The following EPHA4 variants were observed in gnomAD, a reference collection of about 807,000 sequenced individuals.
EPHA4 encodes the protein EPH receptor A4.
A neutral mutation model predicts 108.3 loss-of-function variants in EPHA4; 19 were observed. The observed-to-expected ratio is 0.18, with a 90% CI of 0.12 to 0.26. EPHA4 has a LOEUF of 0.26. EPHA4 is among the 10% of genes least tolerant of loss of function. The pLI is 1.00. For missense variants in EPHA4, 917 were observed against 1,254.0 expected (o/e 0.73, Z 4.06); for synonymous variants, 449 against 455.5 (o/e 0.99, Z 0.18).
chr2:221,511,462 G>T (rs1024235296), intron 3 of EPHA4, among the ~76,000 whole-genome samples: 5 of 150,092 alleles, frequency 3.3e-5, no homozygotes, highest in African/African-American at 1.3e-4. Flanking sequence ...AGCTGTTTCT[G>T]TACCTCACTT....
intron 13 of EPHA4, among the ~76,000 whole-genome samples, chr2:221,435,937 CAA>C (rs11419419): frequency 1.0e-4 from 14 of 138,016 alleles, no homozygotes; most frequent in Non-Finnish European, 1.9e-4. Flanking sequence ...AAAACAACAA[CAA>C]AAAAAAAAAA....
chr2:221,492,894 A>G (rs1393905184), intron 4 of EPHA4, among the ~76,000 whole-genome samples: 1 of 152,264 alleles, frequency 6.6e-6, no homozygotes, highest in Non-Finnish European at 1.5e-5. Context: ...GGAATGCAGT[A>G]TGAAACTATA....
intron 16 of EPHA4, 153 bp from the exon 17 acceptor site, chr2:221,426,295 G>A: frequency 9.8e-7 from 1 of 1,020,336 alleles, no homozygotes; most frequent in Non-Finnish European, 1.4e-6. Flanking sequence ...GCAATTTAAT[G>A]CAAGAATGTA....
At chr2:221,462,606 C>G (rs1250320877) in intron 5 of EPHA4, among the ~76,000 whole-genome samples, 1 of 152,138 alleles carries the variant, frequency 6.6e-6, no homozygotes, top group East Asian at 1.9e-4. Context: ...ATCCTTAAAA[C>G]AACTTTCCAT....
At chr2:221,481,315 C>A (rs901026276) in intron 5 of EPHA4, among the ~76,000 whole-genome samples, 7 of 151,672 alleles carry the variant, frequency 4.6e-5, no homozygotes, top group African/African-American at 1.7e-4. Context: ...AGGAGACTGG[C>A]CGCCCCACCC....
chr2:221,479,876 C>T (rs756153132), intron 5 of EPHA4, among the ~76,000 whole-genome samples: 1 of 152,154 alleles, frequency 6.6e-6, no homozygotes, highest in Non-Finnish European at 1.5e-5. Context: ...CCAGCATTAC[C>T]CTTCATGAAA....
At chr2:221,499,369 A>G (rs1359512842) in intron 4 of EPHA4, among the ~76,000 whole-genome samples, 2 of 150,966 alleles carry the variant, frequency 1.3e-5, no homozygotes, top group Non-Finnish European at 3.0e-5. Context: ...TTTCTATAAA[A>G]TAAAGATTAT....
At chr2:221,564,938 C>T (rs1313946516) in intron 2 of EPHA4, among the ~76,000 whole-genome samples, 2 of 147,500 alleles carry the variant, frequency 1.4e-5, no homozygotes, top group Non-Finnish European at 3.0e-5. Flanking sequence ...GGCACCCTCA[C>T]TACTCTTTAA....
chr2:221,432,845 G>A lies in EPHA4; in HGVS notation c.2496+1297C>T, dbSNP rs1403499671. 6.2e-4 allele frequency among the ~76,000 whole-genome samples: 70 copies of A among 112,252 alleles called. 1 individual carries two copies. The highest frequency in any genetic ancestry group is 2.2e-3 in the African/African-American group (65 of 29,766). 73.6% of individuals were successfully genotyped at this position (112,252 alleles called of 152,430 possible). On this transcript the variant is annotated intron_variant, in intron 14 of 17. Transcript: ENST00000281821. ...TTTTTTTTTTTTTTTTTTTTTTTGA[G>A]ACGGAGTCTTACTCTTTCGCCCAGG...
chr2:221,454,471 A>G (rs1690878927), intron 8 of EPHA4, among the ~76,000 whole-genome samples: 1 of 152,170 alleles, frequency 6.6e-6, no homozygotes, highest in Non-Finnish European at 1.5e-5. Context: ...CTTGGGCAAG[A>G]ATTACTTCTT....
chr2:221,552,837 C>T, intron 3 of EPHA4, among the ~76,000 whole-genome samples: 1 of 152,118 alleles, frequency 6.6e-6, no homozygotes, highest in East Asian at 1.9e-4. Context: ...CCTGTGAATG[C>T]ATCATAACCA....
At chr2:221,554,620 A>G (rs548537757) in intron 3 of EPHA4, among the ~76,000 whole-genome samples, 34 of 152,326 alleles carry the variant, frequency 2.2e-4, no homozygotes, top group Non-Finnish European at 4.4e-4. Flanking sequence ...TATTCAACAA[A>G]AAGTGAATCC....
Position 221,501,772 on chromosome 2 carries a change from C to A in EPHA4, c.824-600G>T, listed in dbSNP as rs1574616553. On this transcript the variant is annotated intron_variant, in intron 3 of 17. Transcript: ENST00000281821. The stretch of plus-strand genomic sequence containing the variant: ...TCCCAATTACAACTACAGAAAGAAC[C>A]AAATCGAAAGATCAACAAAGGCAAG... Among the ~76,000 whole-genome samples the A allele has an allele frequency of 2.0e-5, 3 of 152,126 alleles. 1 individual carries two copies. In the South Asian group the frequency reaches 6.2e-4, roughly 32 times the overall value.
At chr2:221,559,539 C>T (rs1376224535) in intron 3 of EPHA4, among the ~76,000 whole-genome samples, 2 of 151,958 alleles carry the variant, frequency 1.3e-5, no homozygotes, top group Non-Finnish European at 2.9e-5. Flanking sequence ...GAGACTTCAT[C>T]TCTTATGTTA....
At chr2:221,494,856 T>C (rs1252698047) in intron 4 of EPHA4, among the ~76,000 whole-genome samples, 1 of 151,904 alleles carries the variant, frequency 6.6e-6, no homozygotes, top group Non-Finnish European at 1.5e-5. Context: ...TAGTCATTCG[T>C]AGAGTTAAAG....
At chr2:221,508,832 A>T (rs1559271872) in intron 3 of EPHA4, among the ~76,000 whole-genome samples, 1 of 152,170 alleles carries the variant, frequency 6.6e-6, no homozygotes, top group African/African-American at 2.4e-5. Context: ...AACTTACCAA[A>T]CTAATACTGT....
upstream of EPHA4, chr2:221,573,276 G>C (rs1314362128): frequency 2.0e-5 from 3 of 152,240 alleles, no homozygotes; most frequent in East Asian, 5.8e-4. The surrounding 1 kb of genome is among the most constrained non-coding windows in gnomAD (Gnocchi z 4.5). Flanking sequence ...GCGACTCTCC[G>C]CTCCGACCTA....
chr2:221,436,250 G>T (rs962853371), intron 13 of EPHA4, 149 bp downstream of exon 13: 14 of 709,614 alleles, frequency 2.0e-5, no homozygotes, highest in African/African-American at 2.0e-4. Context: ...TGGAAACATG[G>T]TTTAAAAATG....
In EPHA4 at chr2:221,572,287, C is replaced by T; in HGVS notation, c.-39G>A. 2 of 1,547,638 alleles carry T rather than the reference C, an allele frequency of 1.3e-6. No homozygotes were observed. The highest frequency in any genetic ancestry group is 1.1e-5 in the South Asian group (1 of 89,696). ...CAACGCTGCTCCTGCCGCTTCTATCCCAGTGGAATAAATGCTTAAGTTAGG... is the reference window on the plus strand; with the variant it reads ...CAACGCTGCTCCTGCCGCTTCTATCTCAGTGGAATAAATGCTTAAGTTAGG... On this transcript the variant is annotated 5_prime_UTR_variant, in exon 1 of 18. Transcript: ENST00000281821.
Sources: allele counts gnomAD v4.1 joint callset (sites outside exome capture counted in the v4.1 genomes callset), GRCh38; gene constraint gnomAD v4.1.1; non-coding constraint Gnocchi (gnomAD v3.1); transcripts MANE v1.5; gene names NCBI Gene and HGNC (gene_info 2026-07-23, HGNC 2026-07-21).